PDZRN3: variants seen among roughly 807,000 people sequenced by gnomAD.
PDZRN3 encodes the protein PDZ domain containing ring finger 3.
A neutral mutation model predicts 85.7 loss-of-function variants in PDZRN3; 38 were observed. The observed-to-expected ratio is 0.44, with a 90% CI of 0.34 to 0.58. PDZRN3 has a LOEUF of 0.58. Among genes scored for constraint, PDZRN3 ranks in the 20% least tolerant of loss-of-function variants. The pLI is 0.01. For missense variants in PDZRN3, 1,629 were observed against 1,506.4 expected, an observed-to-expected ratio of 1.08 and a Z score of -1.35; for synonymous variants, 759 against 638.0, an observed-to-expected ratio of 1.19 and a Z score of -2.86.
chr3:73,393,175 C>T (rs892007967), intron 5 of PDZRN3, among the ~76,000 whole-genome samples: 7 of 152,040 alleles, frequency 4.6e-5, no homozygotes, highest in Admixed American at 2.0e-4. Context: ...AACAGGTCCA[C>T]GTGCAACCCA....
chr3:73,581,657 C>T (rs939180966), intron 3 of PDZRN3, among the ~76,000 whole-genome samples: 1 of 152,226 alleles, frequency 6.6e-6, no homozygotes, highest in African/African-American at 2.4e-5. Flanking sequence ...ATAAAGTGGA[C>T]TCACACTCAT....
At chr3:73,403,644 C>A (rs903974636) in intron 4 of PDZRN3, among the ~76,000 whole-genome samples, 3 of 152,108 alleles carry the variant, frequency 2.0e-5, no homozygotes, top group Admixed American at 2.0e-4. Context: ...ATCCATGTGG[C>A]GTGCTGAGTT....
At chr3:73,546,981 A>G (rs915069736) in intron 3 of PDZRN3, among the ~76,000 whole-genome samples, 36 of 152,306 alleles carry the variant, frequency 2.4e-4, no homozygotes, top group African/African-American at 7.7e-4. Flanking sequence ...CTACATGCCT[A>G]TGCATTTCCA....
chr3:73,525,873 T>C (rs1704510716), intron 3 of PDZRN3, among the ~76,000 whole-genome samples: 1 of 152,246 alleles, frequency 6.6e-6, no homozygotes, highest in African/African-American at 2.4e-5. Context: ...TCATGGCACT[T>C]AGCTGTGCAT....
chr3:73,612,492 A>T (rs556828200), intron 1 of PDZRN3, among the ~76,000 whole-genome samples: 2 of 152,372 alleles, frequency 1.3e-5, no homozygotes, highest in South Asian at 4.1e-4. Context: ...AAGAATGTCT[A>T]TTATACCCTG....
intron 3 of PDZRN3, among the ~76,000 whole-genome samples, chr3:73,504,239 A>G (rs1425881117): frequency 2.6e-5 from 4 of 152,238 alleles, no homozygotes; most frequent in Non-Finnish European, 5.9e-5. Flanking sequence ...GTAACAAATG[A>G]ACTCACATAA....
intron 3 of PDZRN3, among the ~76,000 whole-genome samples, chr3:73,563,828 G>A (rs1466618220): frequency 1.3e-5 from 2 of 152,200 alleles, no homozygotes; most frequent in Non-Finnish European, 2.9e-5. Context: ...GGCAACTGGG[G>A]CCCAGAGGGG....
At chr3:73,491,014 C>T (rs956130106) in intron 3 of PDZRN3, among the ~76,000 whole-genome samples, 2 of 152,210 alleles carry the variant, frequency 1.3e-5, no homozygotes, top group Non-Finnish European at 2.9e-5. Flanking sequence ...CCTCCAAGTT[C>T]AGGGTCAGTT....
chr3:73,556,891 G>A (rs1024513912), intron 3 of PDZRN3: 1 of 152,538 alleles, frequency 6.6e-6, no homozygotes, highest in African/African-American at 2.4e-5. Context: ...CCTGACTGAG[G>A]AGCAGCCTTC....
chr3:73,483,926 C>A (rs1703615302), intron 3 of PDZRN3, among the ~76,000 whole-genome samples: 1 of 152,022 alleles, frequency 6.6e-6, no homozygotes, highest in Non-Finnish European at 1.5e-5. Flanking sequence ...CAGAACTTTA[C>A]CCATTAGGAA....
At chr3:73,461,147 C>T (rs564642228) in intron 3 of PDZRN3, among the ~76,000 whole-genome samples, 3 of 152,160 alleles carry the variant, frequency 2.0e-5, no homozygotes, top group East Asian at 1.9e-4. Context: ...GATCTCAGAA[C>T]GAATGAATCA....
intron 3 of PDZRN3, among the ~76,000 whole-genome samples, chr3:73,424,541 CAAAAAAAA>C (rs34550639): frequency 5.5e-5 from 3 of 54,238 alleles, no homozygotes; most frequent in South Asian, 1.8e-3. Flanking sequence ...GACTCCATCT[CAAAAAAAA>C]AAAAAAAAAA....
intron 3 of PDZRN3, among the ~76,000 whole-genome samples, chr3:73,512,528 T>C (rs1055022787): frequency 6.6e-6 from 1 of 152,144 alleles, no homozygotes; most frequent in African/African-American, 2.4e-5. Flanking sequence ...TTAGTTGTTT[T>C]TTTTCTTTTT....
intron 3 of PDZRN3, among the ~76,000 whole-genome samples, chr3:73,413,612 G>A (rs576846550): frequency 4.6e-5 from 7 of 152,172 alleles, no homozygotes; most frequent in South Asian, 2.1e-4. Context: ...TTCGAAATGC[G>A]TGTTCTAACC....
chr3:73,547,361 A>T (rs1701450121), intron 3 of PDZRN3, among the ~76,000 whole-genome samples: 1 of 152,242 alleles, frequency 6.6e-6, no homozygotes, highest in Non-Finnish European at 1.5e-5. Flanking sequence ...AGCACCAACA[A>T]TACCACCATG....
rs1704086409 is a variant in PDZRN3 at position 73,507,352 on chromosome 3, G to A, written c.918+95002C>T. ...TGCCTGGATAATTTTTGTATTTTTA[G>A]TAGAGATGGGGTTTCACCATGTTGG... On this transcript the variant is annotated intron_variant, in intron 3 of 9. Transcript: ENST00000263666. Among the ~76,000 whole-genome samples, 3 of 152,222 alleles carry A rather than the reference G, an allele frequency of 2.0e-5. No homozygotes were observed. The South Asian group carries it at 6.2e-4, about 32-fold the overall frequency.
At chr3:73,591,795 T>C (rs941892055) in intron 3 of PDZRN3, among the ~76,000 whole-genome samples, 2 of 152,206 alleles carry the variant, frequency 1.3e-5, no homozygotes, top group Admixed American at 6.6e-5. Context: ...GAACTAGAAT[T>C]CAAAAGTTGA....
At chr3:73,394,870 G>A (rs986459045) in intron 5 of PDZRN3, among the ~76,000 whole-genome samples, 1 of 152,208 alleles carries the variant, frequency 6.6e-6, no homozygotes, top group Non-Finnish European at 1.5e-5. Flanking sequence ...AAACAACAGT[G>A]TAAGAGCTGG....
intron 3 of PDZRN3, among the ~76,000 whole-genome samples, chr3:73,436,537 A>G (rs761742078): frequency 2.0e-5 from 3 of 152,204 alleles, no homozygotes; most frequent in African/African-American, 4.8e-5. Context: ...TGTGGTTTCA[A>G]AGTAGTCCTT....
Sources: gnomAD v4.1 joint callset for allele counts (sites outside exome capture counted in the v4.1 genomes callset) on GRCh38, gnomAD v4.1.1 for gene constraint, MANE v1.5 for transcripts, NCBI Gene and HGNC (gene_info 2026-07-23, HGNC 2026-07-21) for gene names.